The following ADAM10 variants were observed in gnomAD, a reference collection of about 807,000 sequenced individuals.
ADAM10 encodes disintegrin and metalloproteinase domain-containing protein 10.
In ADAM10, 17 loss-of-function variants were observed where a neutral mutation model predicts 90.1. The observed-to-expected ratio is 0.19, with a 90% confidence interval of 0.13 to 0.28. The LOEUF is 0.28. ADAM10 is among the 10% of genes least tolerant of loss of function. ADAM10 has a pLI of 1.00. For missense variants in ADAM10, 610 were observed against 914.3 expected, an observed-to-expected ratio of 0.67 and a Z score of 4.29; for synonymous variants, 310 against 298.6, an observed-to-expected ratio of 1.04 and a Z score of -0.40.
At chr15:58,687,655 CT>C (rs201556176) in intron 2 of ADAM10, among the ~76,000 whole-genome samples, 39 of 131,782 alleles carry the variant, frequency 3.0e-4, no homozygotes, top group African/African-American at 1.3e-3. Context: ...AAACTCCATA[CT>C]TTTTAAAAAA....
At position 58,592,547 on chromosome 15, in the gene ADAM10, T is replaced by G. The variant is rs1003284268; in HGVS notation, c.*5000A>C. ...TTCTTGTACATTTCTTTCTTACAGG[T>G]GGAATTAGTGATTTATCCAAAGGAG... On this transcript the variant is annotated 3_prime_UTR_variant, in exon 16 of 16. Transcript: ENST00000260408. The G allele has an allele frequency of 6.6e-6, 1 of 152,108 alleles. No individual in the cohort carries two copies. The highest frequency in any genetic ancestry group is 6.6e-5 in the Admixed American group (1 of 15,266). The allele number at this position is 152,108 out of a possible 1,614,324, so 9.4% of individuals were successfully genotyped here.
chr15:58,694,346 G>T (rs952208368), intron 2 of ADAM10, among the ~76,000 whole-genome samples: 3 of 152,114 alleles, frequency 2.0e-5, no homozygotes, highest in Admixed American at 1.3e-4. Context: ...AGTGATTTGG[G>T]AGGCTGAGGC....
chr15:58,630,965 G>C (rs1042200272), intron 9 of ADAM10, among the ~76,000 whole-genome samples: 1 of 152,110 alleles, frequency 6.6e-6, no homozygotes, highest in Non-Finnish European at 1.5e-5. Flanking sequence ...CTTCCTGAAG[G>C]GTTGGAGGTG....
chr15:58,635,718 C>A (rs1195226638), intron 8 of ADAM10, among the ~76,000 whole-genome samples: 1 of 151,358 alleles, frequency 6.6e-6, no homozygotes, highest in Non-Finnish European at 1.5e-5. Context: ...TTGTCATGTG[C>A]AAATTGGTCC....
At chr15:58,682,164 G>C (rs1303750924) in intron 3 of ADAM10, 32 bp downstream of exon 3, 1 of 1,604,342 alleles carries the variant, frequency 6.2e-7, no homozygotes, top group Non-Finnish European at 8.5e-7. Flanking sequence ...AAAAAAAATG[G>C]AAGAAAAGGG....
At chr15:58,740,922 T>C (rs1899592584) in intron 1 of ADAM10, among the ~76,000 whole-genome samples, 1 of 152,240 alleles carries the variant, frequency 6.6e-6, no homozygotes, top group African/African-American at 2.4e-5. Context: ...CTGTATTTTG[T>C]AACTAATAGA....
chr15:58,664,303 G>A (rs1897030515), intron 5 of ADAM10, among the ~76,000 whole-genome samples: 2 of 151,962 alleles, frequency 1.3e-5, no homozygotes, highest in South Asian at 2.1e-4. Flanking sequence ...CCAATTAAAC[G>A]ATAACCTTTT....
intron 10 of ADAM10, among the ~76,000 whole-genome samples, chr15:58,627,424 A>G (rs1895978923): frequency 6.6e-6 from 1 of 152,112 alleles, no homozygotes; most frequent in Non-Finnish European, 1.5e-5. Flanking sequence ...GAAAACAGAA[A>G]AAGAACTATA....
chr15:58,687,857 T>C (rs1189806957), intron 2 of ADAM10, among the ~76,000 whole-genome samples: 1 of 152,152 alleles, frequency 6.6e-6, no homozygotes. Context: ...AATCTAATTA[T>C]GGAGATGGAG....
Position 58,610,428 on chromosome 15 carries a change from A to G in ADAM10, c.1894T>C (p.Cys632Arg), listed in dbSNP as rs1200408662. The stretch of plus-strand genomic sequence containing the variant: ...TCACAGTAACCTCTAAAATCGTTGC[A>G]AGGGGATCCAGGTTGCAGGGTGATG... ...RTITLQPGSPCNDFRGYCDVF... is the reference protein window; with the variant it reads ...RTITLQPGSPRNDFRGYCDVF... Residue 632 changes from cysteine to arginine, a missense_variant, in exon 14 of 16, where the codon TGC (cysteine) becomes CGC (arginine). By Grantham distance (180) the Cys-to-Arg change is radical (BLOSUM62 -3). This residue lies in a region of ADAM10 where 150 missense variants were observed against 268.5 expected (regional missense o/e 0.56). Coordinates refer to ENST00000260408, the MANE Select transcript of ADAM10 (RefSeq NM_001110.4). 6.2e-7 allele frequency: 1 copy of G among 1,614,078 alleles called. No individual in the cohort carries two copies. Among genetic ancestry groups the G allele is most frequent in the Non-Finnish European group, 8.5e-7 (1 of 1,180,046 alleles).
chr15:58,714,306 C>CACACAG (rs1898581856), intron 2 of ADAM10, among the ~76,000 whole-genome samples: 1 of 151,562 alleles, frequency 6.6e-6, no homozygotes, highest in Non-Finnish European at 1.5e-5. Flanking sequence ...CACACACACA[C>CACACAG]ACACACACAC....
rs7175610 is a variant in ADAM10, at chr15:58,633,557, G to C, written c.1013-198C>G. On this transcript the variant is annotated intron_variant, in intron 8 of 15. Coordinates refer to ENST00000260408, the MANE Select transcript of ADAM10 (RefSeq NM_001110.4). The stretch of plus-strand genomic sequence containing the variant: ...CATATAAAAGTTTTAATGACATTCA[G>C]AAAGAAACTCCCAGGACTGAGTACA... 0.05 allele frequency among the ~76,000 whole-genome samples: 7,624 copies of C among 152,184 alleles called. 657 individuals are homozygous for C. The highest frequency in any genetic ancestry group is 0.17 in the African/African-American group (7,130 of 41,480).
chr15:58,611,635 C>G (rs1895440855), intron 12 of ADAM10, 173 bp downstream of exon 12: 1 of 632,308 alleles, frequency 1.6e-6, no homozygotes, highest in Admixed American at 3.0e-5. Flanking sequence ...AGATGAAAGA[C>G]AAATTAGTAG....
chr15:58,733,264 T>C (rs1259541097), intron 1 of ADAM10: 5 of 152,212 alleles, frequency 3.3e-5, no homozygotes, highest in Non-Finnish European at 5.9e-5. Context: ...CTATCCACAA[T>C]GTAGAGATTA....
At chr15:58,734,565 T>G (rs1193380758) in intron 1 of ADAM10, among the ~76,000 whole-genome samples, 11 of 151,940 alleles carry the variant, frequency 7.2e-5, no homozygotes, top group Non-Finnish European at 1.5e-4. Flanking sequence ...CCGGGCACGG[T>G]GGCATGCACC....
chr15:58,647,356 G>C (rs973402003), intron 5 of ADAM10, among the ~76,000 whole-genome samples: 9 of 141,738 alleles, frequency 6.3e-5, no homozygotes, highest in Non-Finnish European at 1.2e-4. Context: ...CGCCTCCCGG[G>C]TTCACGCCAT....
At chr15:58,677,787 A>G (rs1282649592) in intron 4 of ADAM10, among the ~76,000 whole-genome samples, 3 of 152,214 alleles carry the variant, frequency 2.0e-5, no homozygotes, top group Non-Finnish European at 4.4e-5. Context: ...AAAATATTCC[A>G]GTATTTCATT....
Position 58,596,616 on chromosome 15 carries a change from AAAAG to A in ADAM10, c.*927_*930del, listed in dbSNP as rs1231407627. On this transcript the variant is annotated 3_prime_UTR_variant, in exon 16 of 16. Transcript: ENST00000260408. ...AACACAAATAAGTAGGCTACAAATA[AAAAG>A]AATCATTTCATTGACATAATTTCTA... 6.6e-6 allele frequency: 1 copy of A among 152,642 alleles called. No individual in the cohort carries two copies. The highest frequency in any genetic ancestry group is 1.5e-5 in the Non-Finnish European group (1 of 68,036). The allele number at this position is 152,642 out of a possible 1,614,324, so 9.5% of individuals were successfully genotyped here.
intron 5 of ADAM10, among the ~76,000 whole-genome samples, chr15:58,656,346 G>A (rs1382563921): frequency 1.3e-5 from 2 of 151,866 alleles, no homozygotes; most frequent in Non-Finnish European, 2.9e-5. Context: ...ACTTACTCCT[G>A]CCACTTTGTT....
Sources: gnomAD v4.1 joint callset for allele counts (sites outside exome capture counted in the v4.1 genomes callset) on GRCh38, gnomAD v4.1.1 for gene constraint, gnomAD v4.1.1 regional missense constraint, MANE v1.5 for transcripts, NCBI Gene and HGNC (gene_info 2026-07-23, HGNC 2026-07-21) for gene names.